Variants in DNAH17 observed in about 807,000 individuals in gnomAD.
The protein encoded by DNAH17 is dynein axonemal heavy chain 17, also known as axonemal beta dynein heavy chain 17.
A neutral mutation model predicts 485.6 loss-of-function variants in DNAH17; 376 were observed. The ratio of observed to expected loss-of-function variants is 0.77; its 90% CI spans 0.71 to 0.84. The LOEUF (loss-of-function observed/expected upper bound fraction) is 0.84, where lower values mean the gene tolerates loss of function less well. DNAH17 is among the 40% of genes least tolerant of loss of function. The pLI, the probability that DNAH17 is intolerant of heterozygous loss-of-function variation, is 0.00. For missense variants in DNAH17, 6,370 were observed against 5,839.3 expected (o/e 1.09, Z -2.96); for synonymous variants, 3,031 against 2,405.9 (o/e 1.26, Z -7.60).
At chr17:78,537,922 T>C (rs1387920551) in intron 18 of DNAH17, among the ~76,000 whole-genome samples, 1 of 152,172 alleles carries the variant, frequency 6.6e-6, no homozygotes, top group East Asian at 1.9e-4. Context: ...GTGGATCACC[T>C]GAGGTCAGGA....
At chr17:78,463,315 C>T (rs762106348) in intron 56 of DNAH17, among the ~76,000 whole-genome samples, 12 of 152,248 alleles carry the variant, frequency 7.9e-5, no homozygotes, top group Non-Finnish European at 1.8e-4. Context: ...TTATCATTAT[C>T]TCTGACACAC....
At chr17:78,464,225 T>C (rs543668700) in intron 56 of DNAH17, among the ~76,000 whole-genome samples, 196 of 152,278 alleles carry the variant, frequency 1.3e-3, no homozygotes, top group African/African-American at 4.2e-3. Context: ...CAGGCAAGCA[T>C]TGAGCTCAAA....
At chr17:78,553,283 GTTTTTTTTTTTT>G (rs60587420) in intron 14 of DNAH17, among the ~76,000 whole-genome samples, 6 of 51,018 alleles carry the variant, frequency 1.2e-4, no homozygotes, top group South Asian at 6.6e-4. Context: ...AGGTTTTTGT[GTTTTTTTTTTTT>G]TTTTTTTTTT....
At chr17:78,504,117 G>A (rs1265243971) in intron 31 of DNAH17, among the ~76,000 whole-genome samples, 1 of 151,710 alleles carries the variant, frequency 6.6e-6, no homozygotes, top group East Asian at 1.9e-4. Flanking sequence ...CCAGACTGGA[G>A]TGTAGTGGCG....
Position 78,459,989 on chromosome 17 carries a change from C to T in DNAH17, c.9448G>A (p.Glu3150Lys). The T allele has an allele frequency of 6.2e-7, 1 of 1,612,866 alleles. No homozygotes were observed. The highest frequency in any genetic ancestry group is 8.5e-7 in the Non-Finnish European group (1 of 1,179,894). ...GGCGGGGACCCAAAGGACTTCAGCTCTGTCAGGTTGTTCTGCAAATGACAG... is the reference window on the plus strand; with the variant it reads ...GGCGGGGACCCAAAGGACTTCAGCTTTGTCAGGTTGTTCTGCAAATGACAG... ...LDTLNKNNLT[E>K]LKSFGSPPDA... The change falls in exon 60 of 81, where the codon GAG becomes AAG. Residue 3150 changes from glutamate (E) to lysine (K), a missense_variant. Glu to Lys is a moderately conservative substitution (Grantham distance 56). Coordinates refer to ENST00000389840, the MANE Select transcript of DNAH17 (RefSeq NM_173628.4).
intron 9 of DNAH17, among the ~76,000 whole-genome samples, chr17:78,568,667 C>A (rs1354251225): frequency 6.6e-6 from 1 of 152,194 alleles, no homozygotes; most frequent in Non-Finnish European, 1.5e-5. Flanking sequence ...CTCACCACAG[C>A]CTCAAACTTC....
intron 21 of DNAH17, 111 bp downstream of exon 21, chr17:78,530,232 C>G: frequency 7.6e-7 from 1 of 1,320,020 alleles, no homozygotes; most frequent in Non-Finnish European, 1.0e-6. Flanking sequence ...GCCTCCACCC[C>G]CTGCTACCCC....
chr17:78,500,486 G>A (rs1199168383), intron 35 of DNAH17, 25 bp from the exon 36 acceptor site: 1 of 1,542,288 alleles, frequency 6.5e-7, no homozygotes, highest in Non-Finnish European at 8.7e-7. Context: ...AGGTAAGCGT[G>A]TGTGCCAGCG....
intron 66 of DNAH17, among the ~76,000 whole-genome samples, 182 bp from the exon 67 acceptor site, chr17:78,451,028 C>T (rs1321857076): frequency 6.6e-6 from 1 of 152,240 alleles, no homozygotes; most frequent in Admixed American, 6.5e-5. Flanking sequence ...CCTGGCCCTG[C>T]TCCCAGCCTT....
Position 78,571,802 on chromosome 17 carries a change from G to C in DNAH17, c.540-20C>G. The stretch of plus-strand genomic sequence containing the variant: ...GGGATCCTGCCCAGTGGAAGGTTGG[G>C]GCATTGCTCTCATGGCGACACACAC... On this transcript the variant is annotated intron_variant, in intron 3 of 80. Coordinates refer to ENST00000389840, the MANE Select transcript of DNAH17 (RefSeq NM_173628.4). 6.4e-7 allele frequency: 1 copy of C among 1,551,748 alleles called. No individual in the cohort carries two copies. Among genetic ancestry groups the C allele is most frequent in the Non-Finnish European group, 8.7e-7 (1 of 1,148,522 alleles).
At chr17:78,451,388 G>A in intron 66 of DNAH17, 81 bp downstream of exon 66, 2 of 1,357,328 alleles carry the variant, frequency 1.5e-6, no homozygotes, top group Non-Finnish European at 2.0e-6. Context: ...TGGCAGCCCT[G>A]GTCGGGGACC....
At chr17:78,449,672 GCCTC>G in intron 68 of DNAH17, 88 bp from the exon 69 acceptor site, 1 of 1,363,918 alleles carries the variant, frequency 7.3e-7, no homozygotes, top group Non-Finnish European at 1.0e-6. Context: ...ACCTGTGGTG[GCCTC>G]CAGTTTGTTT....
chr17:78,570,891 G>GAA lies in DNAH17; in HGVS notation c.918+55_918+56dup, dbSNP rs2092346424. 4.7e-4 allele frequency: 315 copies of GAA among 667,058 alleles called. 1 individual carries two copies. In the African/African-American group the frequency reaches 6.8e-3, roughly 14 times the overall value. 41.3% of individuals were successfully genotyped at this position (667,058 alleles called of 1,614,324 possible). On this transcript the variant is annotated intron_variant, in intron 6 of 80. Transcript: ENST00000389840. Reference sequence around the variant, plus strand: ...AAAAAAAAAAAAAGAAAAAAGAAAAGAAAAGAAAAGAAACAAGACCCTCCC... The same window carrying GAA: ...AAAAAAAAAAAAAGAAAAAAGAAAAGAAAAAAGAAAAGAAACAAGACCCTCCC...
chr17:78,565,644 A>C (rs549142213), intron 11 of DNAH17, among the ~76,000 whole-genome samples: 1 of 152,294 alleles, frequency 6.6e-6, no homozygotes, highest in Non-Finnish European at 1.5e-5. Flanking sequence ...AACATAGCAA[A>C]ACCTTGTCTC....
Position 78,525,107 on chromosome 17 carries a change from C to G in DNAH17, c.3766G>C (p.Gly1256Arg), listed in dbSNP as rs768564744. ...GGGACGGGGACCTCGAACAGGCCCC[C>G]GGACTTGGACAGCGCCTCCATGATG... ...EGIMEALSKS[G>R]GLFEVPVPDY... Residue 1256 changes from glycine to arginine, a missense_variant, in exon 25 of 81, where the codon GGG becomes CGG. Coordinates refer to ENST00000389840, the MANE Select transcript of DNAH17 (RefSeq NM_173628.4). The G allele has an allele frequency of 6.2e-7, 1 of 1,613,752 alleles. No individual in the cohort carries two copies. Among genetic ancestry groups the G allele is most frequent in the Non-Finnish European group, 8.5e-7 (1 of 1,179,864 alleles).
intron 16 of DNAH17, among the ~76,000 whole-genome samples, chr17:78,549,678 G>T (rs2091854754): frequency 6.6e-6 from 1 of 152,106 alleles, no homozygotes; most frequent in Non-Finnish European, 1.5e-5. Context: ...CTCAGAGACA[G>T]AGAGAAAGTG....
At chr17:78,429,408 G>T in intron 75 of DNAH17, 108 bp from the exon 76 acceptor site, 1 of 1,254,382 alleles carries the variant, frequency 8.0e-7, no homozygotes, top group Non-Finnish European at 1.1e-6. Context: ...CATTGGTGCT[G>T]TGTCCTTCTC....
rs772978682 is a variant in DNAH17, at chr17:78,572,733, G to A, written c.507C>T (p.Gly169=). The A allele has an allele frequency of 6.2e-7, 1 of 1,611,076 alleles. No individual in the cohort carries two copies. Among genetic ancestry groups the A allele is most frequent in the South Asian group, 1.1e-5 (1 of 90,324 alleles). ...KTLLPIPEHL[G]SLDGTLESME... ...TGGACTCCAGCGTGCCATCCAGGCT[G>A]CCCAGGTGCTCCGGAATAGGCAGCA... Residue 169 remains glycine (G), a synonymous_variant, in exon 3 of 81, where the codon GGC becomes GGT. Transcript: ENST00000389840.
intron 17 of DNAH17, 109 bp from the exon 18 acceptor site, chr17:78,539,989 A>C: frequency 1.7e-6 from 2 of 1,157,110 alleles, no homozygotes; most frequent in Non-Finnish European, 2.3e-6. Flanking sequence ...CACGCCGGAC[A>C]CACGGGGCTG....
Sources: allele counts gnomAD v4.1 joint callset (sites outside exome capture counted in the v4.1 genomes callset), GRCh38; gene constraint gnomAD v4.1.1; transcripts MANE v1.5; gene names NCBI Gene and HGNC (gene_info 2026-07-23, HGNC 2026-07-21).